The following POLA1 variants were observed in gnomAD, a reference collection of about 807,000 sequenced individuals.
The protein encoded by POLA1 is DNA polymerase alpha catalytic subunit.
Under a neutral mutation model 124.0 loss-of-function variants are expected in POLA1, and 15 were observed. The observed-to-expected ratio is 0.12, with a 90% CI of 0.08 to 0.19. POLA1 has a LOEUF of 0.19. POLA1 is among the 10% of genes least tolerant of loss of function. The probability of loss-of-function intolerance (pLI) is 1.00; values close to 1 mark genes in which losing one functional copy is unlikely to be tolerated. For missense variants in POLA1, 886 were observed against 1,103.4 expected, an observed-to-expected ratio of 0.80 and a Z score of 2.79; for synonymous variants, 408 against 389.4, an observed-to-expected ratio of 1.05 and a Z score of -0.56.
At chrX:24,908,512 T>A (rs1569358191) in intron 35 of POLA1, among the ~76,000 whole-genome samples, 1 of 108,439 alleles carries the variant, frequency 9.2e-6, no homozygotes, top group Non-Finnish European at 1.9e-5. Flanking sequence ...TGCGATAGTT[T>A]GCTGAGAATG....
At chrX:24,900,560 A>G (rs759426380) in intron 35 of POLA1, among the ~76,000 whole-genome samples, 7 of 112,381 alleles carry the variant, frequency 6.2e-5, no homozygotes, top group Non-Finnish European at 9.4e-5. Context: ...TGAAATGTGT[A>G]ACAAAATTTT....
intron 32 of POLA1, among the ~76,000 whole-genome samples, chrX:24,836,790 G>A (rs1186716306): frequency 1.8e-5 from 2 of 111,587 alleles, no homozygotes; most frequent in East Asian, 2.8e-4. Context: ...AAATGCTTAC[G>A]ACCAGAAGTG....
chrX:24,977,686 G>A (rs1044848054), intron 36 of POLA1, among the ~76,000 whole-genome samples: 5 of 112,064 alleles, frequency 4.5e-5, no homozygotes, highest in African/African-American at 9.7e-5. Flanking sequence ...GAATTTTCTT[G>A]TTTTTGCAGT....
At chrX:24,760,821 C>T (rs1394077699) in intron 26 of POLA1, among the ~76,000 whole-genome samples, 1 of 111,355 alleles carries the variant, frequency 9.0e-6, no homozygotes, top group Non-Finnish European at 1.9e-5. Flanking sequence ...GTGAAGAAGC[C>T]GTTTGATTTT....
intron 32 of POLA1, among the ~76,000 whole-genome samples, chrX:24,837,172 G>A (rs1422923515): frequency 8.9e-6 from 1 of 111,807 alleles, no homozygotes; most frequent in Non-Finnish European, 1.9e-5. Context: ...AAAATCTTGA[G>A]TATTATACAA....
rs191044836 is a variant in POLA1 at position 24,720,050 on chromosome X, T to G, written c.1087+2292T>G. Among the ~76,000 whole-genome samples, 23 of 111,594 alleles carry G rather than the reference T, an allele frequency of 2.1e-4. No homozygotes were observed. In the East Asian group the frequency reaches 5.9e-3, roughly 29 times the overall value. ...CCTACAACATAAAGTCCAAACTGCT[T>G]AGCAAGGCTTCTGATGCCTGCTGTC... On this transcript the variant is annotated intron_variant, in intron 10 of 36. Transcript: ENST00000379068.
At chrX:24,971,937 A>G (rs1410710602) in intron 36 of POLA1, among the ~76,000 whole-genome samples, 2 of 81,947 alleles carry the variant, frequency 2.4e-5, no homozygotes, top group East Asian at 6.8e-4. Flanking sequence ...GGAAGATTTT[A>G]TTTTATTTTA....
At chrX:24,806,503 G>A (rs1394732659) in intron 26 of POLA1, among the ~76,000 whole-genome samples, 1 of 110,453 alleles carries the variant, frequency 9.1e-6, no homozygotes, top group Non-Finnish European at 1.9e-5. Flanking sequence ...AGAGGTTAGG[G>A]GTCAGACTGG....
chrX:24,802,957 C>T (rs1161789316), intron 26 of POLA1, among the ~76,000 whole-genome samples: 1 of 111,376 alleles, frequency 9.0e-6, no homozygotes, highest in Non-Finnish European at 1.9e-5. Context: ...GAGATCGTGC[C>T]ACTGCACTCC....
intron 36 of POLA1, among the ~76,000 whole-genome samples, chrX:24,930,992 T>A (rs1475376415): frequency 9.0e-6 from 1 of 111,105 alleles, no homozygotes; most frequent in Non-Finnish European, 1.9e-5. Context: ...GAGGTGGAGT[T>A]CCTTTATTGA....
In POLA1 at chrX:24,701,129, A is replaced by C. The variant is rs973142139; in HGVS notation, c.168+1580A>C. On this transcript the variant is annotated intron_variant, in intron 2 of 36. Transcript: ENST00000379068. Reference sequence around the variant, plus strand: ...CCACCCCCAAAAAAGAAAGTTGGTCAGTATAGTAATATTAATTGGACTATT... The same window carrying C: ...CCACCCCCAAAAAAGAAAGTTGGTCCGTATAGTAATATTAATTGGACTATT... 2.7e-5 allele frequency among the ~76,000 whole-genome samples: 3 copies of C among 111,911 alleles called. No individual in the cohort carries two copies. In the Admixed American group the frequency reaches 2.9e-4, roughly 11 times the overall value.
intron 34 of POLA1, among the ~76,000 whole-genome samples, chrX:24,866,672 AAAG>A (rs2147106262): frequency 8.9e-6 from 1 of 112,052 alleles, no homozygotes; most frequent in South Asian, 3.7e-4. Context: ...TCCTACGAAA[AAAG>A]AAAAAGTGAT....
At chrX:24,873,411 C>G (rs5944693) in intron 34 of POLA1, among the ~76,000 whole-genome samples, 22,211 of 111,237 alleles carry the variant, frequency 0.2, 1,820 homozygotes, top group South Asian at 0.36. Context: ...AGGTACTATA[C>G]AAGGATATTG....
intron 36 of POLA1, among the ~76,000 whole-genome samples, chrX:24,994,266 GGTT>G (rs2048572790): frequency 8.9e-6 from 1 of 112,601 alleles, no homozygotes; most frequent in Non-Finnish European, 1.9e-5. Context: ...TAAAACCTGT[GGTT>G]GTTCTTTAAA....
intron 35 of POLA1, among the ~76,000 whole-genome samples, chrX:24,910,452 C>T (rs746996089): frequency 9.0e-6 from 1 of 110,809 alleles, no homozygotes; most frequent in African/African-American, 3.3e-5. Context: ...TAGCATGAAG[C>T]GTTGTTGAAT....
intron 32 of POLA1, 72 bp downstream of exon 32, chrX:24,826,673 A>T: frequency 1.5e-6 from 1 of 650,447 alleles, no homozygotes; most frequent in Non-Finnish European, 2.4e-6. Context: ...GTCTCTTGAG[A>T]TCTCTGCTTA....
intron 36 of POLA1, among the ~76,000 whole-genome samples, chrX:24,952,736 C>G (rs921125035): frequency 1.8e-5 from 2 of 111,636 alleles, no homozygotes; most frequent in Non-Finnish European, 3.8e-5. Context: ...ATCTTTGTCT[C>G]AAGAAAGAAA....
chrX:24,758,594 G>A (rs763085353), intron 26 of POLA1, among the ~76,000 whole-genome samples: 1 of 112,723 alleles, frequency 8.9e-6, no homozygotes, highest in African/African-American at 3.2e-5. Flanking sequence ...GGGTCTGTGA[G>A]TGTAAGAGAA....
chrX:24,716,296 A>G, intron 6 of POLA1, 66 bp from the exon 7 acceptor site: 1 of 579,832 alleles, frequency 1.7e-6, no homozygotes, highest in South Asian at 2.5e-5. Flanking sequence ...ATGAGTGAAG[A>G]AGTATACTTT....
Sources: gnomAD v4.1 joint callset for allele counts (sites outside exome capture counted in the v4.1 genomes callset) on GRCh38, gnomAD v4.1.1 for gene constraint, MANE v1.5 for transcripts, NCBI Gene and HGNC (gene_info 2026-07-23, HGNC 2026-07-21) for gene names.